The following WDPCP variants were observed in gnomAD, a reference collection of about 807,000 sequenced individuals.
WDPCP encodes WD repeat containing planar cell polarity effector, also known as WD repeat-containing and planar cell polarity effector protein fritz homolog.
WDPCP carries 71 observed loss-of-function variants against 93.1 expected under a neutral mutation model. That is an observed-to-expected ratio of 0.76 (90% CI 0.63 to 0.93). The LOEUF (loss-of-function observed/expected upper bound fraction) is 0.93, where lower values mean the gene tolerates loss of function less well. WDPCP is among the 40% of genes least tolerant of loss of function. The pLI, the probability that WDPCP is intolerant of heterozygous loss-of-function variation, is 0.00. For synonymous variants in WDPCP, 315 were observed against 315.0 expected, an observed-to-expected ratio of 1.00 and a Z score of 0.00; for missense variants, 844 against 887.4, an observed-to-expected ratio of 0.95 and a Z score of 0.62.
intron 14 of WDPCP, among the ~76,000 whole-genome samples, chr2:63,213,795 C>T (rs1183537933): frequency 6.6e-6 from 1 of 152,100 alleles, no homozygotes; most frequent in Non-Finnish European, 1.5e-5. Context: ...GGGATATCAA[C>T]ACCGATCCCA....
chr2:63,219,005 C>T (rs1016603959), intron 14 of WDPCP, among the ~76,000 whole-genome samples: 7 of 152,274 alleles, frequency 4.6e-5, no homozygotes, highest in Non-Finnish European at 1.0e-4. Flanking sequence ...ACCTGAAATA[C>T]GTGCTGAACT....
intron 8 of WDPCP, among the ~76,000 whole-genome samples, chr2:63,437,194 T>C (rs114528334): frequency 1.6e-4 from 25 of 152,124 alleles, no homozygotes; most frequent in African/African-American, 5.5e-4. Context: ...ATAAATACTA[T>C]ATAAATTGCT....
rs376519701 is a variant in WDPCP at position 63,620,528 on chromosome 2, G to A, written n.488+30131C>T. ...AAGAAAGGCAGCAGCCCCCGTCAGG[G>A]GCTTACAGATAAAATTCCCATCTCC... On this transcript the variant is annotated intron_variant and non_coding_transcript_variant, in intron 3 of 4. Transcript: ENST00000467687. Among the ~76,000 whole-genome samples, 6 of 152,270 alleles carry A rather than the reference G, an allele frequency of 3.9e-5. No individual in the cohort carries two copies. In the South Asian group the frequency reaches 1.2e-3, roughly 32 times the overall value.
At chr2:63,572,094 A>G (rs1707549836) in intron 1 of WDPCP, among the ~76,000 whole-genome samples, 1 of 152,204 alleles carries the variant, frequency 6.6e-6, no homozygotes, top group African/African-American at 2.4e-5. Context: ...GAGGAAACCA[A>G]AGGAGGCAAG....
intron 14 of WDPCP, among the ~76,000 whole-genome samples, chr2:63,180,066 C>G (rs1196738679): frequency 6.6e-6 from 1 of 152,160 alleles, no homozygotes; most frequent in Non-Finnish European, 1.5e-5. Flanking sequence ...AACAGAAAGT[C>G]AAATACCATA....
intron 17 of WDPCP, among the ~76,000 whole-genome samples, chr2:63,124,772 G>C (rs1450221543): frequency 6.6e-6 from 1 of 152,128 alleles, no homozygotes; most frequent in Non-Finnish European, 1.5e-5. Context: ...TTATTTTATA[G>C]ATGAACAAGT....
At chr2:63,334,252 C>T (rs1348642591) in intron 12 of WDPCP, among the ~76,000 whole-genome samples, 2 of 152,168 alleles carry the variant, frequency 1.3e-5, no homozygotes, top group African/African-American at 4.8e-5. Flanking sequence ...GAATATCTAA[C>T]TGAGACAGGT....
At chr2:63,208,548 G>C (rs188136589) in intron 14 of WDPCP, among the ~76,000 whole-genome samples, 17 of 152,204 alleles carry the variant, frequency 1.1e-4, no homozygotes, top group Admixed American at 9.8e-4. Flanking sequence ...TGATTTGTTA[G>C]TCTTAAGCAT....
intron 14 of WDPCP, among the ~76,000 whole-genome samples, chr2:63,240,649 A>G (rs979226216): frequency 3.9e-5 from 6 of 152,178 alleles, no homozygotes; most frequent in Non-Finnish European, 5.9e-5. Context: ...CCTTAATGTT[A>G]TATACCAATC....
intron 2 of WDPCP, among the ~76,000 whole-genome samples, chr2:63,698,016 C>T (rs922045407): frequency 1.3e-5 from 2 of 151,604 alleles, no homozygotes; most frequent in African/African-American, 4.9e-5. Flanking sequence ...AGTGCAGTGG[C>T]GTGATCTCGG....
chr2:63,429,314 C>G (rs1287269141), intron 9 of WDPCP, among the ~76,000 whole-genome samples: 2 of 151,954 alleles, frequency 1.3e-5, no homozygotes, highest in African/African-American at 4.8e-5. Flanking sequence ...TCCTCAAAAG[C>G]AAATACAAGA....
At chr2:63,752,015 C>A in intron 2 of WDPCP, 1 of 627,210 alleles carries the variant, frequency 1.6e-6, no homozygotes, top group South Asian at 1.4e-5. Context: ...AAACAACCTC[C>A]ACAACCAACA....
intron 14 of WDPCP, among the ~76,000 whole-genome samples, chr2:63,246,578 A>G (rs1487111187): frequency 6.6e-6 from 1 of 152,198 alleles, no homozygotes; most frequent in Non-Finnish European, 1.5e-5. Flanking sequence ...GGTTTTCAAA[A>G]GGATGTTTAG....
At chr2:63,745,322 T>A (rs935741744) in intron 2 of WDPCP, among the ~76,000 whole-genome samples, 2 of 152,206 alleles carry the variant, frequency 1.3e-5, no homozygotes, top group Non-Finnish European at 2.9e-5. Flanking sequence ...GGCAATGTTT[T>A]AATATCTCAT....
rs1175892861 is a variant in WDPCP, at chr2:63,269,992, G to C, written c.1813-10583C>G. On this transcript the variant is annotated intron_variant, in intron 13 of 17. Transcript: ENST00000272321. ...ATCAATAAGCAGCTTTAAGAATTGG[G>C]GAAAAATATCGTTTCTAATGCTGTA... Among the ~76,000 whole-genome samples, 3 of 152,082 alleles carry C rather than the reference G, an allele frequency of 2.0e-5. No homozygotes were observed. In the East Asian group the frequency reaches 5.8e-4, roughly 29 times the overall value.
intron 3 of WDPCP, among the ~76,000 whole-genome samples, chr2:63,616,358 C>T (rs1172371350): frequency 1.3e-5 from 2 of 152,002 alleles, no homozygotes; most frequent in Non-Finnish European, 2.9e-5. Context: ...TCTGTTTAGG[C>T]CTAAAACAAA....
intron 12 of WDPCP, among the ~76,000 whole-genome samples, chr2:63,320,870 T>G (rs1230193683): frequency 6.6e-6 from 1 of 152,066 alleles, no homozygotes; most frequent in Non-Finnish European, 1.5e-5. Context: ...GAACTGAACA[T>G]TTCAATTAAA....
intron 1 of WDPCP, chr2:63,813,825 T>C (rs1670892374): frequency 6.6e-6 from 1 of 152,218 alleles, no homozygotes; most frequent in Admixed American, 6.5e-5. Flanking sequence ...AATACTAACA[T>C]ATTCCATATC....
At chr2:63,801,718 C>T (rs561904303) in intron 2 of WDPCP, among the ~76,000 whole-genome samples, 62 of 152,256 alleles carry the variant, frequency 4.1e-4, no homozygotes, top group African/African-American at 1.3e-3. Context: ...AGGAAAGTTC[C>T]TGATTGGTGC....
Sources: gnomAD v4.1 joint callset for allele counts (sites outside exome capture counted in the v4.1 genomes callset) on GRCh38, gnomAD v4.1.1 for gene constraint, MANE v1.5 for transcripts, NCBI Gene and HGNC (gene_info 2026-07-23, HGNC 2026-07-21) for gene names.